Variants in DTNA observed in about 807,000 individuals in gnomAD.
DTNA encodes the protein dystrophin-related protein 3.
A neutral mutation model predicts 100.7 loss-of-function variants in DTNA; 43 were observed. The ratio of observed to expected loss-of-function variants is 0.43; its 90% CI spans 0.33 to 0.55. The LOEUF (loss-of-function observed/expected upper bound fraction) is 0.55. DTNA is among the 20% of genes least tolerant of loss of function. DTNA has a pLI of 0.04. For synonymous variants in DTNA, 349 were observed against 347.9 expected (o/e 1.00, Z -0.04); for missense variants, 798 against 953.9 (o/e 0.84, Z 2.15).
chr18:34,770,768 CAAG>C (rs1362165478), intron 3 of DTNA, among the ~76,000 whole-genome samples: 1 of 146,650 alleles, frequency 6.8e-6, no homozygotes, highest in Admixed American at 7.2e-5. Context: ...TGCATACTCC[CAAG>C]AAGAATTATA....
At chr18:34,648,755 G>T (rs2060128162) in intron 1 of DTNA, among the ~76,000 whole-genome samples, 1 of 152,162 alleles carries the variant, frequency 6.6e-6, no homozygotes, top group African/African-American at 2.4e-5. Context: ...TTCAAAACTT[G>T]TTCCAAGTTA....
At position 34,862,792 on chromosome 18, in the gene DTNA, C is replaced by T. The variant is rs545353000; in HGVS notation, c.1647-1174C>T. Among the ~76,000 whole-genome samples, 11 of 152,128 alleles carry T rather than the reference C, an allele frequency of 7.2e-5. No individual in the cohort carries two copies. The South Asian group carries it at 2.3e-3, about 32-fold the overall frequency. ...TCCAGCGTAGGCAACAGAGTGAGACCTTGTCTCTAAAAAAAAATAGAAAAA... is the reference window on the plus strand; with the variant it reads ...TCCAGCGTAGGCAACAGAGTGAGACTTTGTCTCTAAAAAAAAATAGAAAAA... On this transcript the variant is annotated intron_variant, in intron 16 of 22. Transcript: ENST00000444659.
At chr18:34,815,786 T>C (rs2095583061) in intron 6 of DTNA, 123 bp from the exon 7 acceptor site, 1 of 887,294 alleles carries the variant, frequency 1.1e-6, no homozygotes, top group Non-Finnish European at 1.8e-6. Context: ...AAGTTCTGTT[T>C]CTTCAGATAT....
intron 1 of DTNA, among the ~76,000 whole-genome samples, chr18:34,541,880 G>T (rs761929530): frequency 6.6e-5 from 10 of 152,012 alleles, no homozygotes; most frequent in Non-Finnish European, 1.2e-4. Flanking sequence ...AAAGCTGCAA[G>T]GTGTGATGGG....
At chr18:34,811,467 C>T (rs979742355) in intron 5 of DTNA, among the ~76,000 whole-genome samples, 7 of 119,036 alleles carry the variant, frequency 5.9e-5, no homozygotes, top group African/African-American at 9.9e-5. Context: ...CTCACCGTGT[C>T]TTTGATTTTC....
chr18:34,786,947 T>A lies in DTNA; in HGVS notation c.149-7090T>A. ...TGCCAAAGGACTGAGAACTACTGAC[T>A]TCAAGAAGCGCTTCTTATACTTAAA... On this transcript the variant is annotated intron_variant, in intron 3 of 22. Transcript: ENST00000444659. Among the ~76,000 whole-genome samples the A allele has an allele frequency of 1.3e-5, 2 of 152,162 alleles. 1 individual carries two copies. Among genetic ancestry groups the A allele is most frequent in the East Asian group, 3.9e-4 (2 of 5,190 alleles).
intron 1 of DTNA, among the ~76,000 whole-genome samples, chr18:34,589,644 TC>T (rs1177654473): frequency 6.6e-6 from 1 of 151,968 alleles, no homozygotes; most frequent in Non-Finnish European, 1.5e-5. Flanking sequence ...TACCTCATAA[TC>T]TACCCCCTTG....
intron 1 of DTNA, among the ~76,000 whole-genome samples, chr18:34,722,606 T>TAC (rs71166022): frequency 0.013 from 1,847 of 147,198 alleles, 22 homozygotes; most frequent in Admixed American, 0.038. Flanking sequence ...TATATATACA[T>TAC]ACACACACAC....
chr18:34,665,547 A>G (rs1282031170), intron 1 of DTNA, among the ~76,000 whole-genome samples: 3 of 152,098 alleles, frequency 2.0e-5, no homozygotes, highest in Non-Finnish European at 4.4e-5. Context: ...AACATTAGGT[A>G]TATCTCCTAA....
chr18:34,627,258 C>T (rs2057449904), intron 1 of DTNA, among the ~76,000 whole-genome samples: 1 of 151,984 alleles, frequency 6.6e-6, no homozygotes, highest in Non-Finnish European at 1.5e-5. Flanking sequence ...AACAAACAAA[C>T]AAATTTACCC....
At chr18:34,708,911 G>A (rs1471418671), upstream of DTNA, among the ~76,000 whole-genome samples, 1 of 152,126 alleles carries the variant, frequency 6.6e-6, no homozygotes, top group African/African-American at 2.4e-5. Flanking sequence ...TAAACTGAGG[G>A]TTAGAGAGGT....
At chr18:34,602,141 T>G (rs369617509) in intron 1 of DTNA, among the ~76,000 whole-genome samples, 10 of 152,224 alleles carry the variant, frequency 6.6e-5, no homozygotes, top group Non-Finnish European at 1.5e-4. Context: ...TTGCTTAGCA[T>G]TTAGTTTTAA....
rs548076724 is a variant in DTNA, at chr18:34,620,981, T to TA, written c.-2+127474dup. ...GGAGCAATTGCATAAAATACCATTTTAAAAAAACCCAGCTATTTATTGCAA... is the reference window on the plus strand; with the variant it reads ...GGAGCAATTGCATAAAATACCATTTTAAAAAAAACCCAGCTATTTATTGCAA... On this transcript the variant is annotated intron_variant, in intron 1 of 19. Transcript: ENST00000283365. Among the ~76,000 whole-genome samples, 356 of 152,040 alleles carry TA rather than the reference T, an allele frequency of 2.3e-3. 2 individuals are homozygous for TA. Among genetic ancestry groups the TA allele is most frequent in the African/African-American group, 7.1e-3 (295 of 41,508 alleles).
chr18:34,755,672 CA>C, intron 1 of DTNA: 1 of 336,584 alleles, frequency 3.0e-6, no homozygotes, highest in South Asian at 2.9e-5. Flanking sequence ...GGAAACGAGT[CA>C]CCTAACAGAT....
intron 1 of DTNA, among the ~76,000 whole-genome samples, chr18:34,613,872 A>G (rs2054712146): frequency 6.6e-6 from 1 of 152,254 alleles, no homozygotes. Context: ...AGACTGAGGA[A>G]GATAACTCCA....
rs956331645 is a variant in DTNA, at chr18:34,500,382, T to C, written c.-2+6868T>C. Among the ~76,000 whole-genome samples the C allele has an allele frequency of 4.0e-5, 6 of 150,416 alleles. No individual in the cohort carries two copies. In the East Asian group the frequency reaches 1.2e-3, roughly 29 times the overall value. ...ATTGAAATTTAATTGATTTTTATGT[T>C]TATCTAGTATCCTGGGAACTCCTGA... is the stretch of plus-strand genomic sequence containing the variant. On this transcript the variant is annotated intron_variant, in intron 1 of 19. Coordinates refer to the DTNA transcript ENST00000283365.
chr18:34,747,000 A>G (rs1329571946), intron 1 of DTNA, among the ~76,000 whole-genome samples: 2 of 152,118 alleles, frequency 1.3e-5, no homozygotes, highest in Non-Finnish European at 2.9e-5. Context: ...CACTAAGAGT[A>G]GTTCTTTAGA....
chr18:34,636,041 G>A (rs1055546505), intron 1 of DTNA, among the ~76,000 whole-genome samples: 2 of 152,096 alleles, frequency 1.3e-5, no homozygotes, highest in African/African-American at 4.8e-5. Flanking sequence ...GATGTTTCAC[G>A]TGTGTGCACA....
At chr18:34,746,869 G>T (rs2091664115) in intron 1 of DTNA, among the ~76,000 whole-genome samples, 1 of 152,110 alleles carries the variant, frequency 6.6e-6, no homozygotes, top group Non-Finnish European at 1.5e-5. Flanking sequence ...CTATTGAGCA[G>T]AAGTACCTAG....
Sources: allele counts gnomAD v4.1 joint callset (sites outside exome capture counted in the v4.1 genomes callset), GRCh38; gene constraint gnomAD v4.1.1; transcripts MANE v1.5; gene names NCBI Gene and HGNC (gene_info 2026-07-23, HGNC 2026-07-21).